Variants in MKLN1 observed in about 807,000 individuals in gnomAD.
MKLN1 encodes the protein muskelin 1, also known as muskelin.
In MKLN1, 18 loss-of-function variants were observed where a neutral mutation model predicts 99.0. The observed-to-expected ratio is 0.18, with a 90% CI of 0.13 to 0.27. The LOEUF (loss-of-function observed/expected upper bound fraction) is 0.27, where lower values mean the gene tolerates loss of function less well. Among genes scored for constraint, MKLN1 ranks in the 10% least tolerant of loss-of-function variants. The pLI is 1.00. For missense variants in MKLN1, 621 were observed against 875.9 expected (o/e 0.71, Z 3.67); for synonymous variants, 288 against 293.2 (o/e 0.98, Z 0.18).
chr7:131,137,293 C>T (rs1411576497), intron 1 of MKLN1, among the ~76,000 whole-genome samples: 1 of 152,132 alleles, frequency 6.6e-6, no homozygotes, highest in Admixed American at 6.5e-5. Context: ...TGTTACCCCC[C>T]AAATTGAAGC....
chr7:131,353,851 CTGTT>C (rs1353602438), intron 1 of MKLN1, among the ~76,000 whole-genome samples: 2 of 121,626 alleles, frequency 1.6e-5, no homozygotes, highest in African/African-American at 6.2e-5. Flanking sequence ...TGCTCTAGCA[CTGTT>C]TGTTGAAAAG....
intron 2 of MKLN1, among the ~76,000 whole-genome samples, chr7:131,172,195 C>A (rs1326215249): frequency 1.3e-5 from 2 of 152,020 alleles, no homozygotes; most frequent in African/African-American, 4.8e-5. Flanking sequence ...GGCTGGAGGG[C>A]AGTGACACGA....
chr7:131,118,553 CA>C (rs35721483), intron 1 of MKLN1, among the ~76,000 whole-genome samples: 140,293 of 143,506 alleles, frequency 0.98, 68,582 homozygotes, highest in East Asian at 1. Context: ...AACTCTGTCT[CA>C]AAAAAAAAAA....
At chr7:131,215,064 C>T (rs1308049278) in intron 3 of MKLN1, among the ~76,000 whole-genome samples, 1 of 152,110 alleles carries the variant, frequency 6.6e-6, no homozygotes, top group East Asian at 1.9e-4. Flanking sequence ...AATCAGCATA[C>T]AAGACAGAGT....
chr7:131,303,278 G>A (rs750424099), intron 3 of MKLN1, among the ~76,000 whole-genome samples: 9 of 152,296 alleles, frequency 5.9e-5, no homozygotes, highest in East Asian at 1.9e-4. Flanking sequence ...TGCAGCAGGC[G>A]GAGGCTGCAG....
chr7:131,347,155 G>A (rs908031971), intron 1 of MKLN1, among the ~76,000 whole-genome samples: 3 of 152,054 alleles, frequency 2.0e-5, no homozygotes, highest in Non-Finnish European at 4.4e-5. Context: ...ATAATAATAG[G>A]CCTAGAAAGA....
chr7:131,401,633 A>G (rs1293779299), intron 6 of MKLN1, among the ~76,000 whole-genome samples: 1 of 151,616 alleles, frequency 6.6e-6, no homozygotes, highest in Non-Finnish European at 1.5e-5. Context: ...GGTTTTTTGG[A>G]TTGTGCAGTA....
intron 2 of MKLN1, among the ~76,000 whole-genome samples, chr7:131,380,062 C>G (rs1314775568): frequency 0.017 from 1 of 58 alleles, no homozygotes; most frequent in African/African-American, 0.056. Flanking sequence ...TCCTCTTGCT[C>G]TGGGCTGAAG....
At chr7:131,222,732 T>G (rs1797077803) in intron 3 of MKLN1, among the ~76,000 whole-genome samples, 1 of 151,846 alleles carries the variant, frequency 6.6e-6, no homozygotes, top group Non-Finnish European at 1.5e-5. Flanking sequence ...AAATACAATT[T>G]CAGGCCGGGT....
rs1797381289 is a variant in MKLN1 at position 131,489,889 on chromosome 7, A to T, written c.*2161A>T. On this transcript the variant is annotated 3_prime_UTR_variant, in exon 18 of 18. Coordinates refer to ENST00000352689, the MANE Select transcript of MKLN1 (RefSeq NM_013255.5). Reference sequence around the variant, plus strand: ...GAATTTTTCCCCCTTCATTTCTGAAATTTTTTGCTCACCGCCATGTTTAAA... The same window carrying T: ...GAATTTTTCCCCCTTCATTTCTGAATTTTTTTGCTCACCGCCATGTTTAAA... The T allele has an allele frequency of 3.3e-5, 5 of 151,914 alleles. No individual in the cohort carries two copies. The allele number at this position is 151,914 out of a possible 1,614,324, so 9.4% of individuals were successfully genotyped here.
At chr7:131,442,930 C>T (rs1795884844) in intron 10 of MKLN1, among the ~76,000 whole-genome samples, 1 of 152,182 alleles carries the variant, frequency 6.6e-6, no homozygotes, top group South Asian at 2.1e-4. Context: ...CAGAGTTCTT[C>T]ACATTGTAGA....
At chr7:131,147,791 T>G (rs1424535065) in intron 2 of MKLN1, among the ~76,000 whole-genome samples, 1 of 152,176 alleles carries the variant, frequency 6.6e-6, no homozygotes, top group Non-Finnish European at 1.5e-5. Context: ...CTGACACACT[T>G]GGACTCTGAT....
At chr7:131,227,440 T>C (rs1450312400) in intron 3 of MKLN1, among the ~76,000 whole-genome samples, 1 of 151,686 alleles carries the variant, frequency 6.6e-6, no homozygotes, top group Non-Finnish European at 1.5e-5. Context: ...TTTCTCTCTT[T>C]CTCTCTTTTC....
intron 3 of MKLN1, among the ~76,000 whole-genome samples, chr7:131,233,450 T>C (rs992787903): frequency 2.6e-5 from 4 of 151,598 alleles, no homozygotes; most frequent in Non-Finnish European, 5.9e-5. Context: ...TTATAACATA[T>C]TTTCCCTATG....
chr7:131,327,966 T>G lies in MKLN1; in HGVS notation c.67T>G (p.Trp23Gly). ...GCTTCTCCCCTACGCGCTACACAAG[T>G]GGAGCTCCTTTTCCTCCACCTACCT... Reference protein sequence around the residue: ...CRLLPYALHKWSSFSSTYLPE... With the variant: ...CRLLPYALHKGSSFSSTYLPE... The change falls in exon 1 of 18, where the codon TGG becomes GGG. Residue 23 changes from tryptophan (W) to glycine (G), a missense_variant. This residue lies in a region of MKLN1 where 58 missense variants were observed against 40.0 expected (regional missense o/e 1.45). Transcript: ENST00000352689. 2 of 1,613,826 alleles carry G rather than the reference T, an allele frequency of 1.2e-6. No homozygotes were observed. The highest frequency in any genetic ancestry group is 1.7e-6 in the Non-Finnish European group (2 of 1,179,854).
intron 3 of MKLN1, among the ~76,000 whole-genome samples, chr7:131,303,105 A>G (rs1413808414): frequency 6.6e-6 from 1 of 152,362 alleles, no homozygotes; most frequent in African/African-American, 2.4e-5. Flanking sequence ...TTTACAAAAA[A>G]AACTAAGCAC....
rs1219723642 is a variant in MKLN1 at position 131,126,888 on chromosome 7, G to A, written c.-418-15932G>A. 4.6e-5 allele frequency among the ~76,000 whole-genome samples: 7 copies of A among 152,238 alleles called. No individual in the cohort carries two copies. In the East Asian group the frequency reaches 7.8e-4, roughly 17 times the overall value. On this transcript the variant is annotated intron_variant, in intron 1 of 7. Transcript: ENST00000416992. ...ATCTTAGAATAGAAGAAATATGGCC[G>A]GGTGTGGTGGCTTACGCCTGTAATC...
At chr7:131,144,481 CA>C (rs34534901) in intron 2 of MKLN1, among the ~76,000 whole-genome samples, 84,022 of 134,784 alleles carry the variant, frequency 0.62, 25,268 homozygotes, top group Non-Finnish European at 0.68. Flanking sequence ...GACTGTGTCT[CA>C]AAAAAAAAAA....
intron 2 of MKLN1, among the ~76,000 whole-genome samples, chr7:131,385,258 G>A (rs185011064): frequency 6.6e-6 from 1 of 152,198 alleles, no homozygotes; most frequent in East Asian, 1.9e-4. Flanking sequence ...TTCATCAGTC[G>A]ACGGACATTT....
Sources: allele counts gnomAD v4.1 joint callset (sites outside exome capture counted in the v4.1 genomes callset), GRCh38; gene constraint gnomAD v4.1.1; regional missense constraint gnomAD v4.1.1; transcripts MANE v1.5; gene names NCBI Gene and HGNC (gene_info 2026-07-23, HGNC 2026-07-21).